Variants in ZNF229 observed in about 807,000 individuals in gnomAD.
ZNF229 encodes zinc finger protein 229.
A neutral mutation model predicts 11.8 loss-of-function variants in ZNF229; 10 were observed. That is an observed-to-expected ratio of 0.85 (90% CI 0.52 to 1.44). The LOEUF (loss-of-function observed/expected upper bound fraction) is 1.44, where lower values mean the gene tolerates loss of function less well. Ranked by LOEUF, ZNF229 falls within the 40% of genes most tolerant of loss-of-function variation. The pLI, the probability that ZNF229 is intolerant of heterozygous loss-of-function variation, is 0.00. For synonymous variants in ZNF229, 368 were observed against 374.8 expected, an observed-to-expected ratio of 0.98 and a Z score of 0.21; for missense variants, 1,045 against 1,015.1, an observed-to-expected ratio of 1.03 and a Z score of -0.40.
At chr19:44,436,421 A>G (rs550649647) in intron 4 of ZNF229, among the ~76,000 whole-genome samples, 20 of 152,178 alleles carry the variant, frequency 1.3e-4, no homozygotes, top group South Asian at 6.2e-4. Flanking sequence ...AAAGGGCACC[A>G]TTACTAAGTT....
Position 44,428,863 on chromosome 19 carries a change from T to C in ZNF229, c.1918A>G (p.Ser640Gly). 1 of 1,613,846 alleles carries C rather than the reference T, an allele frequency of 6.2e-7. No individual in the cohort carries two copies. The highest frequency in any genetic ancestry group is 1.1e-5 in the South Asian group (1 of 91,070). Residue 640 changes from serine to glycine, a missense_variant, in exon 6 of 6, where the codon AGC becomes GGC. Ser to Gly is a moderately conservative substitution (Grantham distance 56). Transcript: ENST00000614049. ...CAECGKGFSY[S>G]SGLLIHQRVH... ...CTCTGGTGAATGAGAAGCCCTGAGC[T>C]GTAACTGAAGCCTTTGCCACACTCA...
chr19:44,439,335 G>C (rs530227760), intron 4 of ZNF229, among the ~76,000 whole-genome samples: 1 of 152,226 alleles, frequency 6.6e-6, no homozygotes, highest in Admixed American at 6.5e-5. Flanking sequence ...TAAAGAACAG[G>C]ATGCAAAAAT....
At chr19:44,439,497 G>T (rs1210865318) in intron 4 of ZNF229, among the ~76,000 whole-genome samples, 3 of 152,076 alleles carry the variant, frequency 2.0e-5, no homozygotes, top group Non-Finnish European at 2.9e-5. Context: ...AGGCTGGAGT[G>T]CAGTGGCATG....
chr19:44,444,032 A>G (rs913699647), intron 2 of ZNF229, among the ~76,000 whole-genome samples: 2 of 152,190 alleles, frequency 1.3e-5, no homozygotes, highest in African/African-American at 4.8e-5. Context: ...CAGATCTCTA[A>G]GTCATCAAAA....
chr19:44,446,313 A>C (rs937927066), intron 2 of ZNF229, among the ~76,000 whole-genome samples: 6 of 152,324 alleles, frequency 3.9e-5, no homozygotes, highest in African/African-American at 1.4e-4. Flanking sequence ...AAGATAGCAA[A>C]AGGGAAAGCA....
intron 5 of ZNF229, 116 bp downstream of exon 5, chr19:44,432,106 T>G (rs1346266711): frequency 3.8e-5 from 56 of 1,477,486 alleles, no homozygotes; most frequent in Non-Finnish European, 4.5e-5. Flanking sequence ...TCTGGCAATT[T>G]TTTACAGCAG....
Position 44,429,422 on chromosome 19 carries a change from G to A in ZNF229, c.1359C>T (p.His453=). ...TGTAGGGCTTTTCTCCAGGGTGAAT[G>A]TGCTGGTGTTTGTGCAGTGCAGACT... is the stretch of plus-strand genomic sequence containing the variant. The part of the protein sequence containing the change: ...CAKSALHKHQ[H]IHPGEKPYSC... Residue 453 remains histidine, a synonymous_variant, in exon 6 of 6, where the codon CAC becomes CAT. Coordinates refer to ENST00000614049, the MANE Select transcript of ZNF229 (RefSeq NM_014518.4). 1.2e-6 allele frequency: 2 copies of A among 1,613,906 alleles called. No homozygotes were observed. Among genetic ancestry groups the A allele is most frequent in the Non-Finnish European group, 1.7e-6 (2 of 1,179,968 alleles).
rs1290936497 is a variant in ZNF229 at position 44,428,473 on chromosome 19, A to G, written c.2308T>C (p.Cys770Arg). ...CCAAAGCCCTTCCCACACTCCTCAC[A>G]TTTATAGGGTTTCTCACCAGTGTGG... ...RVHTGEKPYK[C>R]EECGKGFGRN... Residue 770 changes from cysteine to arginine, a missense_variant, in exon 6 of 6, where the codon TGT becomes CGT. Physicochemically the swap from Cys to Arg is radical, Grantham distance 180. Transcript: ENST00000614049. 6.2e-7 allele frequency: 1 copy of G among 1,613,954 alleles called. No homozygotes were observed. Among genetic ancestry groups the G allele is most frequent in the Non-Finnish European group, 8.5e-7 (1 of 1,179,972 alleles).
intron 2 of ZNF229, among the ~76,000 whole-genome samples, chr19:44,445,828 G>A (rs552497668): frequency 1.1e-4 from 16 of 152,328 alleles, no homozygotes; most frequent in African/African-American, 3.8e-4. Flanking sequence ...GAGAACGGGA[G>A]TAACCTGAAC....
At chr19:44,432,042 G>C in intron 5 of ZNF229, 180 bp downstream of exon 5, 1 of 1,246,758 alleles carries the variant, frequency 8.0e-7, no homozygotes, top group Non-Finnish European at 1.0e-6. Flanking sequence ...CTGGCACCCT[G>C]ATCTCAGACT....
In ZNF229 at chr19:44,429,459, C is replaced by G; in HGVS notation, c.1322G>C (p.Gly441Ala). 6.2e-7 allele frequency: 1 copy of G among 1,613,720 alleles called. No homozygotes were observed. Residue 441 changes from glycine to alanine, a missense_variant, in exon 6 of 6, where the codon GGC becomes GCC. Physicochemically the swap from Gly to Ala is moderately conservative, Grantham distance 60. Transcript: ENST00000614049. ...KPYTCSECGK[G>A]FCAKSALHKH... is the part of the protein sequence containing the mutation. ...GTGCAGTGCAGACTTGGCACAGAAGCCTTTGCCACACTCGCTGCAGGTGTA... is the reference window on the plus strand; with the variant it reads ...GTGCAGTGCAGACTTGGCACAGAAGGCTTTGCCACACTCGCTGCAGGTGTA...
chr19:44,445,320 T>C (rs1206995596), intron 2 of ZNF229, among the ~76,000 whole-genome samples: 1 of 141,310 alleles, frequency 7.1e-6, no homozygotes, highest in African/African-American at 3.0e-5. Context: ...GAGTGATCTT[T>C]TAAAAATATA....
In ZNF229 at chr19:44,429,762, G is replaced by C. The variant is rs533403500; in HGVS notation, c.1019C>G (p.Pro340Arg). Residue 340 changes from proline to arginine, a missense_variant, in exon 6 of 6, where the codon CCC (proline) becomes CGC (arginine). Pro to Arg is a moderately radical substitution (Grantham distance 103). Coordinates refer to ENST00000614049, the MANE Select transcript of ZNF229 (RefSeq NM_014518.4). Reference protein sequence around the residue: ...VRQNTHIRNHPRAPVGDMPYR... With the variant: ...VRQNTHIRNHRRAPVGDMPYR... ...GGGCATGTCTCCCACAGGGGCTCTG[G>C]GGTGGTTACGTATGTGCGTGTTCTG... The C allele has an allele frequency of 1.4e-4, 233 of 1,614,026 alleles. 1 individual carries two copies. The South Asian group carries it at 2.4e-3, about 17-fold the overall frequency.
intron 4 of ZNF229, among the ~76,000 whole-genome samples, chr19:44,432,714 T>A (rs988455534): frequency 8.6e-5 from 13 of 151,770 alleles, no homozygotes; most frequent in Admixed American, 2.0e-4. Flanking sequence ...TGGGGAGGGA[T>A]AGCATTAGGA....
Position 44,442,953 on chromosome 19 carries a change from C to G in ZNF229, c.-106G>C. The G allele has an allele frequency of 7.4e-7, 1 of 1,352,352 alleles. No homozygotes were observed. The highest frequency in any genetic ancestry group is 1.1e-6 in the Non-Finnish European group (1 of 949,860). 83.8% of individuals were successfully genotyped at this position (1,352,352 alleles called of 1,614,324 possible). A position where few individuals can be genotyped will look rare whatever the true frequency, so the allele number is the denominator to read the frequency against. ...CCAGGCCTTTTTCATTCCGGAAACT[C>G]TCCAAGCTCTGACAAGTTCCTGTCT... On this transcript the variant is annotated 5_prime_UTR_variant, in exon 3 of 6. Transcript: ENST00000614049.
Position 44,426,425 on chromosome 19 carries a change from G to T in ZNF229, c.*1878C>A, listed in dbSNP as rs1047069049. 3.9e-5 allele frequency: 6 copies of T among 152,254 alleles called. No individual in the cohort carries two copies. The highest frequency in any genetic ancestry group is 1.4e-4 in the African/African-American group (6 of 41,520). The allele number at this position is 152,254 out of a possible 1,614,324, so 9.4% of individuals were successfully genotyped here. On this transcript the variant is annotated 3_prime_UTR_variant, in exon 6 of 6. Transcript: ENST00000614049. ...AGAATCCCACCACTAGAGATAAGTA[G>T]TTATATGTCCTCTCCCACATCTTTT...
In ZNF229 at chr19:44,427,086, T is replaced by A. The variant is rs745865498; in HGVS notation, c.*1217A>T. The A allele has an allele frequency of 4.4e-4, 67 of 152,144 alleles. 2 individuals are homozygous for A. Among genetic ancestry groups the A allele is most frequent in the Admixed American group, 2.6e-4 (4 of 15,284 alleles). The allele number at this position is 152,144 out of a possible 1,614,324, so 9.4% of individuals were successfully genotyped here. Reference sequence around the variant, plus strand: ...TACACCTTAAAACCATCAGCTCTCATGAGAACTCACTATCATGAGAACAGC... The same window carrying A: ...TACACCTTAAAACCATCAGCTCTCAAGAGAACTCACTATCATGAGAACAGC... On this transcript the variant is annotated 3_prime_UTR_variant, in exon 6 of 6. Coordinates refer to ENST00000614049, the MANE Select transcript of ZNF229 (RefSeq NM_014518.4).
In ZNF229 at chr19:44,429,940, G is replaced by A. The variant is rs759532690; in HGVS notation, c.841C>T (p.Pro281Ser). ...TTCAAAGGTACTCTTGGATGCGGGG[G>A]AAGGTCTGCATCGTCCCTGAAGCCA... ...RNGFRDDADLPPHPRVPLKEK... is the reference protein window; with the variant it reads ...RNGFRDDADLSPHPRVPLKEK... Residue 281 changes from proline to serine, a missense_variant, in exon 6 of 6, where the codon CCC becomes TCC. Physicochemically the swap from Pro to Ser is moderately conservative, Grantham distance 74. Transcript: ENST00000614049. The A allele has an allele frequency of 1.2e-6, 2 of 1,614,032 alleles. No homozygotes were observed. The highest frequency in any genetic ancestry group is 2.2e-5 in the South Asian group (2 of 91,074).
intron 4 of ZNF229, among the ~76,000 whole-genome samples, chr19:44,439,338 G>A (rs531195484): frequency 1.3e-5 from 2 of 152,306 alleles, no homozygotes; most frequent in South Asian, 4.1e-4. Context: ...AGAACAGGAT[G>A]CAAAAATCAC....
Sources: gnomAD v4.1 joint callset for allele counts (sites outside exome capture counted in the v4.1 genomes callset) on GRCh38, gnomAD v4.1.1 for gene constraint, MANE v1.5 for transcripts, NCBI Gene and HGNC (gene_info 2026-07-23, HGNC 2026-07-21) for gene names.